The following SIK2 variants were observed in gnomAD, a reference collection of about 807,000 sequenced individuals.
SIK2 encodes the protein salt inducible kinase 2, also known as serine/threonine-protein kinase SIK2.
Under a neutral mutation model 103.2 loss-of-function variants are expected in SIK2, and 29 were observed. The ratio of observed to expected loss-of-function variants is 0.28; its 90% CI spans 0.21 to 0.38. The LOEUF (loss-of-function observed/expected upper bound fraction) is 0.38, where lower values mean the gene tolerates loss of function less well. SIK2 is among the 10% of genes least tolerant of loss of function. The pLI, the probability that SIK2 is intolerant of heterozygous loss-of-function variation, is 1.00. For missense variants in SIK2, 879 were observed against 1,171.0 expected, an observed-to-expected ratio of 0.75 and a Z score of 3.64; for synonymous variants, 412 against 446.1, an observed-to-expected ratio of 0.92 and a Z score of 0.96.
At chr11:111,718,811 A>G (rs927119777) in intron 9 of SIK2, 1 of 152,248 alleles carries the variant, frequency 6.6e-6, no homozygotes, top group Non-Finnish European at 1.5e-5. Flanking sequence ...GTTCCTGAGC[A>G]GCTATTCATA....
intron 3 of SIK2, among the ~76,000 whole-genome samples, chr11:111,629,809 C>T (rs1186477944): frequency 6.6e-6 from 1 of 152,082 alleles, no homozygotes; most frequent in South Asian, 2.1e-4. Flanking sequence ...ATTGAAAAAA[C>T]TGACAACAAT....
At chr11:111,706,822 T>C (rs1382142511) in intron 8 of SIK2, among the ~76,000 whole-genome samples, 1 of 151,834 alleles carries the variant, frequency 6.6e-6, no homozygotes, top group Non-Finnish European at 1.5e-5. Flanking sequence ...TAGCCGAGTG[T>C]GGCAGTGAGC....
intron 3 of SIK2, among the ~76,000 whole-genome samples, chr11:111,664,388 G>A (rs531918206): frequency 6.6e-6 from 1 of 152,234 alleles, no homozygotes; most frequent in South Asian, 2.1e-4. Context: ...GGCCGAGGCG[G>A]GCGGACCACT....
intron 3 of SIK2, among the ~76,000 whole-genome samples, chr11:111,644,300 A>G (rs1206282449): frequency 1.3e-5 from 2 of 151,540 alleles, no homozygotes; most frequent in South Asian, 2.1e-4. Flanking sequence ...AAAAAAAAAA[A>G]AAAAGAAAGA....
chr11:111,620,571 C>T (rs2135840083), intron 3 of SIK2, among the ~76,000 whole-genome samples, 169 bp downstream of exon 3: 1 of 151,968 alleles, frequency 6.6e-6, no homozygotes, highest in Non-Finnish European at 1.5e-5. Context: ...TAACTTATTT[C>T]CTTGTATTTA....
chr11:111,678,769 C>T (rs1407511643), intron 3 of SIK2, among the ~76,000 whole-genome samples: 2 of 152,028 alleles, frequency 1.3e-5, no homozygotes, highest in African/African-American at 2.4e-5. Context: ...GATATTCTTA[C>T]GTGACAGGAA....
chr11:111,723,883 CTA>C lies in SIK2; in HGVS notation c.2537_2538del (p.Tyr846SerfsTer4). 1 of 1,613,536 alleles carries C rather than the reference CTA, an allele frequency of 6.2e-7. No individual in the cohort carries two copies. The highest frequency in any genetic ancestry group is 8.5e-7 in the Non-Finnish European group (1 of 1,179,654). Reference protein sequence around the residue: ...GAAPAPLQFSYQTCELPSAAS... With the variant: ...GAAPAPLQFSXQTCELPSAAS... ...CTGCCCCAGCCCCCTTACAGTTCTC[CTA>C]TCAGACTTGTGAGCTGCCAAGCGCT... On this transcript the variant is annotated frameshift_variant, in exon 15 of 15. Transcript: ENST00000304987. LOFTEE classifies it high-confidence loss of function.
At chr11:111,623,256 C>T (rs1330032447) in intron 3 of SIK2, among the ~76,000 whole-genome samples, 3 of 152,080 alleles carry the variant, frequency 2.0e-5, no homozygotes. Context: ...TTAATGCCTT[C>T]CATGTCTTTA....
At chr11:111,663,785 A>G (rs909907597) in intron 3 of SIK2, among the ~76,000 whole-genome samples, 2 of 152,170 alleles carry the variant, frequency 1.3e-5, no homozygotes, top group African/African-American at 2.4e-5. Flanking sequence ...GTTGACAGAA[A>G]TGGATGACAC....
intron 3 of SIK2, among the ~76,000 whole-genome samples, chr11:111,657,019 T>G (rs1942400368): frequency 6.6e-6 from 1 of 152,242 alleles, no homozygotes; most frequent in Non-Finnish European, 1.5e-5. Flanking sequence ...TACTTATAAG[T>G]CCTTATTCTT....
At chr11:111,640,880 C>A (rs757790250) in intron 3 of SIK2, among the ~76,000 whole-genome samples, 1 of 151,240 alleles carries the variant, frequency 6.6e-6, no homozygotes, top group Admixed American at 6.6e-5. Flanking sequence ...GACTACAGGC[C>A]CCCGCTACCA....
intron 3 of SIK2, among the ~76,000 whole-genome samples, chr11:111,665,549 C>T (rs948318209): frequency 1.9e-4 from 29 of 151,922 alleles, no homozygotes; most frequent in Admixed American, 8.5e-4. Flanking sequence ...CGGGGCTGGG[C>T]GTGGTGGCTC....
chr11:111,717,527 A>G (rs1482905406), intron 9 of SIK2, among the ~76,000 whole-genome samples: 1 of 152,174 alleles, frequency 6.6e-6, no homozygotes, highest in Non-Finnish European at 1.5e-5. Context: ...TGTGGAAGAC[A>G]GTGTGGCAAT....
rs1428941394 is a variant in SIK2, at chr11:111,727,365, C to T, written c.*3236C>T. On this transcript the variant is annotated 3_prime_UTR_variant, in exon 15 of 15. Coordinates refer to ENST00000304987, the MANE Select transcript of SIK2 (RefSeq NM_015191.3). ...AGAAAAAGTCAGTGGCCCTTTCTTC[C>T]TCAGATATCAAGAACTCCCAAGTGT... 1 of 423,846 alleles carries T rather than the reference C, an allele frequency of 2.4e-6. No homozygotes were observed. The highest frequency in any genetic ancestry group is 4.3e-6 in the Non-Finnish European group (1 of 233,582). 26.3% of individuals were successfully genotyped at this position (423,846 alleles called of 1,614,324 possible). A position where few individuals can be genotyped will look rare whatever the true frequency, so the allele number is the denominator to read the frequency against.
chr11:111,666,937 A>T (rs1467102281), intron 3 of SIK2, among the ~76,000 whole-genome samples: 1 of 147,546 alleles, frequency 6.8e-6, no homozygotes, highest in African/African-American at 2.5e-5. Context: ...TATCTTTTTT[A>T]TTTTATTTTA....
At chr11:111,719,726 C>T (rs1210643603) in intron 9 of SIK2, 49 bp from the exon 10 acceptor site, 1 of 1,550,558 alleles carries the variant, frequency 6.4e-7, no homozygotes, top group Non-Finnish European at 8.8e-7. Flanking sequence ...GTGGATTTTT[C>T]TGTCTCAGCA....
At position 111,730,375 on chromosome 11, in the gene SIK2, CA is replaced by C; in HGVS notation, c.*6250del. The C allele has an allele frequency of 6.6e-6, 1 of 152,270 alleles. No homozygotes were observed. 9.4% of individuals were successfully genotyped at this position (152,270 alleles called of 1,614,324 possible). A position where few individuals can be genotyped will look rare whatever the true frequency, so the allele number is the denominator to read the frequency against. On this transcript the variant is annotated 3_prime_UTR_variant, in exon 15 of 15. Coordinates refer to ENST00000304987, the MANE Select transcript of SIK2 (RefSeq NM_015191.3). The stretch of plus-strand genomic sequence containing the variant: ...GGTGGTAAGAGAAACCTGCCTTCAC[CA>C]AAATCTCTGAAGGGGAAAGAAGTGG...
intron 1 of SIK2, among the ~76,000 whole-genome samples, chr11:111,608,899 C>T (rs190587471): frequency 3.2e-4 from 48 of 152,182 alleles, no homozygotes; most frequent in African/African-American, 1.1e-3. Flanking sequence ...AAGGAGTACC[C>T]GTTAATTTTC....
chr11:111,623,858 T>C (rs1458231498), intron 3 of SIK2, among the ~76,000 whole-genome samples: 4 of 152,214 alleles, frequency 2.6e-5, no homozygotes, highest in African/African-American at 7.2e-5. Context: ...TATCTGGGAC[T>C]CTCAGCATTG....
Sources: allele counts gnomAD v4.1 joint callset (sites outside exome capture counted in the v4.1 genomes callset), GRCh38; gene constraint gnomAD v4.1.1; transcripts MANE v1.5; gene names NCBI Gene and HGNC (gene_info 2026-07-23, HGNC 2026-07-21).